SPAG16: variants seen among roughly 807,000 people sequenced by gnomAD.
SPAG16 encodes sperm associated antigen 16.
SPAG16 carries 86 observed loss-of-function variants against 80.4 expected under a neutral mutation model. The ratio of observed to expected loss-of-function variants is 1.07; its 90% CI spans 0.90 to 1.28. The LOEUF (loss-of-function observed/expected upper bound fraction) is 1.28, where lower values mean the gene tolerates loss of function less well. Among genes scored for constraint, SPAG16 ranks in the 50% most tolerant of loss-of-function variants. SPAG16 has a pLI of 0.00. For synonymous variants in SPAG16, 294 were observed against 265.9 expected (o/e 1.11, Z -1.03); for missense variants, 870 against 765.3 (o/e 1.14, Z -1.61).
At chr2:213,909,004 T>G (rs560818966) in intron 11 of SPAG16, among the ~76,000 whole-genome samples, 1 of 151,430 alleles carries the variant, frequency 6.6e-6, no homozygotes, top group East Asian at 2.0e-4. Flanking sequence ...AATTCCCATC[T>G]ATGAGTGAGA....
chr2:213,473,932 G>A (rs1021860546), intron 9 of SPAG16, among the ~76,000 whole-genome samples: 3 of 152,256 alleles, frequency 2.0e-5, no homozygotes, highest in African/African-American at 7.2e-5. Context: ...GTTGGGTGTG[G>A]CTCCTGAGAA....
chr2:214,102,943 G>C (rs1176231312), intron 13 of SPAG16, among the ~76,000 whole-genome samples: 1 of 152,146 alleles, frequency 6.6e-6, no homozygotes, highest in East Asian at 1.9e-4. Context: ...TTGTTGCTAG[G>C]ACTTCATGGG....
chr2:213,917,134 T>C (rs1345826125), intron 11 of SPAG16, among the ~76,000 whole-genome samples: 1 of 152,204 alleles, frequency 6.6e-6, no homozygotes, highest in Non-Finnish European at 1.5e-5. Flanking sequence ...TCCATTGGTC[T>C]GTGTGTCTGT....
Position 213,492,018 on chromosome 2 carries a change from A to G in SPAG16, c.1070+1928A>G, listed in dbSNP as rs544109400. Among the ~76,000 whole-genome samples the G allele has an allele frequency of 4.6e-5, 7 of 152,252 alleles. No individual in the cohort carries two copies. In the South Asian group the frequency reaches 1.0e-3, roughly 23 times the overall value. On this transcript the variant is annotated intron_variant, in intron 10 of 15. Coordinates refer to ENST00000331683, the MANE Select transcript of SPAG16 (RefSeq NM_024532.5). Reference sequence around the variant, plus strand: ...TTGGGACAACTTACTTACATGGGACACTTTTTGCCTGTCTACTTCATTTCC... The same window carrying G: ...TTGGGACAACTTACTTACATGGGACGCTTTTTGCCTGTCTACTTCATTTCC...
At chr2:213,853,747 CT>C (rs1467762390) in intron 10 of SPAG16, among the ~76,000 whole-genome samples, 6 of 152,090 alleles carry the variant, frequency 3.9e-5, no homozygotes, top group Admixed American at 3.3e-4. Context: ...AGTAAAATGA[CT>C]TTGTGGCACT....
intron 13 of SPAG16, among the ~76,000 whole-genome samples, chr2:214,100,529 T>C (rs2125365726): frequency 6.6e-6 from 1 of 152,194 alleles, no homozygotes; most frequent in East Asian, 1.9e-4. Flanking sequence ...TACTCGTCTT[T>C]CTCCCACCTT....
intron 10 of SPAG16, among the ~76,000 whole-genome samples, chr2:213,792,576 C>CTTTTTTTTTTTTTTTTTTTTTTTTTT (rs11372174): frequency 2.6e-5 from 2 of 78,258 alleles, no homozygotes; most frequent in Non-Finnish European, 4.6e-5. Context: ...AAATGAGTAT[C>CTTTTTTTTTTTTTTTTTTTTTTTTTT]TTTTTTTTTT....
At chr2:213,677,342 G>T (rs1197641553) in intron 10 of SPAG16, among the ~76,000 whole-genome samples, 1 of 152,144 alleles carries the variant, frequency 6.6e-6, no homozygotes, top group East Asian at 1.9e-4. Context: ...AAAGAGTCAA[G>T]ACCCATCAGT....
At chr2:213,868,973 T>G (rs947822362) in intron 11 of SPAG16, among the ~76,000 whole-genome samples, 7 of 151,894 alleles carry the variant, frequency 4.6e-5, no homozygotes, top group Admixed American at 6.6e-5. Flanking sequence ...TACATGGGAC[T>G]GGGCATGGTG....
chr2:213,326,245 A>G (rs2126166448), intron 5 of SPAG16, among the ~76,000 whole-genome samples: 1 of 152,168 alleles, frequency 6.6e-6, no homozygotes, highest in South Asian at 2.1e-4. Flanking sequence ...AGAAAACCAT[A>G]ATTACATGGC....
chr2:213,972,242 A>G (rs1382662419), intron 12 of SPAG16, among the ~76,000 whole-genome samples: 1 of 150,910 alleles, frequency 6.6e-6, no homozygotes, highest in East Asian at 1.9e-4. Context: ...ATCAGAGAAA[A>G]AGAACCCATA....
chr2:213,574,050 G>T (rs1432959390), intron 10 of SPAG16, among the ~76,000 whole-genome samples: 1 of 151,826 alleles, frequency 6.6e-6, no homozygotes, highest in Non-Finnish European at 1.5e-5. Flanking sequence ...ACTATAATTT[G>T]AGAAAAAAAG....
intron 15 of SPAG16, among the ~76,000 whole-genome samples, chr2:214,305,398 T>G (rs1013808019): frequency 3.3e-5 from 5 of 152,216 alleles, no homozygotes; most frequent in Admixed American, 3.3e-4. Context: ...TGTCAACTTT[T>G]TCATTTTGTT....
chr2:213,784,905 T>C (rs971081423), intron 10 of SPAG16, among the ~76,000 whole-genome samples: 4 of 152,134 alleles, frequency 2.6e-5, no homozygotes, highest in African/African-American at 9.7e-5. Context: ...TAATTATGTT[T>C]CAAAATTATT....
At chr2:213,850,567 A>C (rs2074849882) in intron 10 of SPAG16, among the ~76,000 whole-genome samples, 1 of 152,210 alleles carries the variant, frequency 6.6e-6, no homozygotes, top group Non-Finnish European at 1.5e-5. Flanking sequence ...TCTTCTTTCG[A>C]GTACAGGGCA....
chr2:213,953,769 C>G (rs961855471), intron 12 of SPAG16, among the ~76,000 whole-genome samples: 2 of 151,790 alleles, frequency 1.3e-5, no homozygotes, highest in Non-Finnish European at 2.9e-5. Flanking sequence ...TCCATACAAA[C>G]TGACCCAAAT....
At chr2:213,773,874 C>T (rs532416133) in intron 10 of SPAG16, among the ~76,000 whole-genome samples, 14 of 152,242 alleles carry the variant, frequency 9.2e-5, no homozygotes, top group African/African-American at 3.1e-4. Context: ...TTCTATTGAC[C>T]TCTCTTCAAG....
chr2:213,543,521 G>A lies in SPAG16; in HGVS notation c.1070+53431G>A, dbSNP rs77982526. 6.0e-3 allele frequency among the ~76,000 whole-genome samples: 911 copies of A among 151,820 alleles called. 36 individuals carry two copies. In the East Asian group the frequency reaches 0.094, roughly 16 times the overall value. On this transcript the variant is annotated intron_variant, in intron 10 of 15. Coordinates refer to ENST00000331683, the MANE Select transcript of SPAG16 (RefSeq NM_024532.5). ...AGGTAAAGAGATACTCTAGTACATC[G>A]TAATTTATTTTCTTTATTGTTTTTC...
intron 10 of SPAG16, among the ~76,000 whole-genome samples, chr2:213,800,322 C>T (rs1260998472): frequency 7.5e-6 from 1 of 132,698 alleles, no homozygotes; most frequent in African/African-American, 2.7e-5. Context: ...TTCCCTCCCT[C>T]CCTCCCTCCC....
Sources: allele counts gnomAD v4.1 joint callset (sites outside exome capture counted in the v4.1 genomes callset), GRCh38; gene constraint gnomAD v4.1.1; transcripts MANE v1.5; gene names NCBI Gene and HGNC (gene_info 2026-07-23, HGNC 2026-07-21).